The following PHF24 variants were observed in gnomAD, a reference collection of about 807,000 sequenced individuals.
The protein encoded by PHF24 is PHD finger protein 24.
A neutral mutation model predicts 42.6 loss-of-function variants in PHF24; 25 were observed. That is an observed-to-expected ratio of 0.59 (90% CI 0.43 to 0.82). The LOEUF is 0.82. Among genes scored for constraint, PHF24 ranks in the 40% least tolerant of loss-of-function variants. The probability of loss-of-function intolerance (pLI) is 0.00; values close to 1 mark genes in which losing one functional copy is unlikely to be tolerated. For missense variants in PHF24, 470 were observed against 538.1 expected (o/e 0.87, Z 1.25); for synonymous variants, 185 against 204.8 (o/e 0.90, Z 0.83).
the PHF24 span, among the ~76,000 whole-genome samples, chr9:34,756,018 T>C: frequency 6.6e-6 from 1 of 152,210 alleles, no homozygotes; most frequent in African/African-American, 2.4e-5. Context: ...ACCAATGTCC[T>C]GAAGCATTTC....
At chr9:34,896,294 A>G in the PHF24 span, among the ~76,000 whole-genome samples, 1 of 152,362 alleles carries the variant, frequency 6.6e-6, no homozygotes, top group East Asian at 1.9e-4. Flanking sequence ...ATATATGGTC[A>G]GTACTGAGAG....
the PHF24 span, among the ~76,000 whole-genome samples, chr9:34,883,916 G>C: frequency 5.3e-5 from 8 of 152,178 alleles, no homozygotes; most frequent in African/African-American, 1.4e-4. Flanking sequence ...ACATGCACAC[G>C]TATGTTTATT....
At chr9:34,812,827 C>T in the PHF24 span, among the ~76,000 whole-genome samples, 18 of 152,320 alleles carry the variant, frequency 1.2e-4, no homozygotes, top group Non-Finnish European at 2.6e-4. Context: ...CCCGATTGTT[C>T]CTTCCTCCTG....
the PHF24 span, among the ~76,000 whole-genome samples, chr9:34,825,321 A>G: frequency 1.3e-5 from 2 of 152,118 alleles, no homozygotes; most frequent in African/African-American, 4.8e-5. Context: ...TTAAGAGCAC[A>G]CAGCCACATT....
the PHF24 span, among the ~76,000 whole-genome samples, chr9:34,774,996 T>G: frequency 6.6e-5 from 10 of 152,282 alleles, no homozygotes; most frequent in Non-Finnish European, 1.5e-4. Flanking sequence ...GAAAACAGTA[T>G]GGTAGTTCCT....
the PHF24 span, among the ~76,000 whole-genome samples, chr9:34,684,041 C>A: frequency 6.6e-6 from 1 of 152,214 alleles, no homozygotes; most frequent in Admixed American, 6.5e-5. Context: ...TCGCTATTTT[C>A]TGCATCTTCC....
the PHF24 span, among the ~76,000 whole-genome samples, chr9:34,806,743 G>T: frequency 6.6e-6 from 1 of 152,196 alleles, no homozygotes; most frequent in Non-Finnish European, 1.5e-5. Context: ...ACAGGCATGA[G>T]CCTCTGTGCC....
At chr9:34,788,218 T>C in the PHF24 span, among the ~76,000 whole-genome samples, 1 of 152,248 alleles carries the variant, frequency 6.6e-6, no homozygotes, top group Non-Finnish European at 1.5e-5. Flanking sequence ...TTTATTTTTA[T>C]TTTTAGTAGA....
chr9:34,891,137 C>G, the PHF24 span, among the ~76,000 whole-genome samples: 4 of 152,302 alleles, frequency 2.6e-5, no homozygotes, highest in Admixed American at 2.6e-4. Flanking sequence ...CTGGGCAGCT[C>G]AGGATCATCA....
At chr9:34,696,110 A>G in the PHF24 span, among the ~76,000 whole-genome samples, 6 of 152,164 alleles carry the variant, frequency 3.9e-5, no homozygotes, top group African/African-American at 1.4e-4. Flanking sequence ...GCAAATGGTG[A>G]TTACTATATT....
At chr9:34,724,228 C>T in the PHF24 span, 2 of 1,551,382 alleles carry the variant, frequency 1.3e-6, no homozygotes, top group African/African-American at 1.4e-5. Flanking sequence ...GCATGTGGGC[C>T]TCTGTCATGT....
At chr9:34,721,148 T>G in the PHF24 span, among the ~76,000 whole-genome samples, 1 of 152,202 alleles carries the variant, frequency 6.6e-6, no homozygotes. Context: ...GACTGTCAAC[T>G]TGGGGACTTG....
chr9:34,907,524 C>T, the PHF24 span, among the ~76,000 whole-genome samples: 6 of 152,174 alleles, frequency 3.9e-5, no homozygotes, highest in African/African-American at 1.4e-4. Context: ...GAAGGGGAAC[C>T]TCTGCTCTGA....
At chr9:34,814,646 T>A in the PHF24 span, among the ~76,000 whole-genome samples, 2 of 152,242 alleles carry the variant, frequency 1.3e-5, no homozygotes, top group Non-Finnish European at 2.9e-5. Flanking sequence ...AATAAAGTCC[T>A]TTATCTCTGA....
At chr9:34,829,772 C>T in the PHF24 span, among the ~76,000 whole-genome samples, 1 of 152,034 alleles carries the variant, frequency 6.6e-6, no homozygotes, top group African/African-American at 2.4e-5. Flanking sequence ...CAAGGAGAGT[C>T]AGTAAAAATA....
chr9:34,696,928 T>A, the PHF24 span, among the ~76,000 whole-genome samples: 15 of 152,160 alleles, frequency 9.9e-5, no homozygotes, highest in Non-Finnish European at 2.1e-4. Context: ...CCTAACATTG[T>A]CTGGACAGGA....
chr9:34,857,814 T>C, the PHF24 span, among the ~76,000 whole-genome samples: 3 of 152,246 alleles, frequency 2.0e-5, no homozygotes, highest in African/African-American at 7.2e-5. Context: ...TCCTTCTGCT[T>C]AGTCAGTTCT....
chr9:34,948,677 A>G, the PHF24 span, among the ~76,000 whole-genome samples: 3 of 152,190 alleles, frequency 2.0e-5, no homozygotes, highest in Non-Finnish European at 4.4e-5. Context: ...TTGTGTAGGT[A>G]CACTTTATGA....
chr9:34,712,830 C>T, the PHF24 span, among the ~76,000 whole-genome samples: 16 of 152,130 alleles, frequency 1.1e-4, no homozygotes, highest in African/African-American at 3.1e-4. Flanking sequence ...CAGCTTCTCA[C>T]CCTTATCATC....
Sources: gnomAD v4.1 joint callset for allele counts (sites outside exome capture counted in the v4.1 genomes callset) on GRCh38, gnomAD v4.1.1 for gene constraint, MANE v1.5 for transcripts, NCBI Gene and HGNC (gene_info 2026-07-23, HGNC 2026-07-21) for gene names.